TRPM2: variants seen among roughly 807,000 people sequenced by gnomAD.
The protein encoded by TRPM2 is estrogen-responsive element-associated gene 1 protein.
Under a neutral mutation model 174.0 loss-of-function variants are expected in TRPM2, and 161 were observed. The observed-to-expected ratio is 0.93, with a 90% CI of 0.81 to 1.05. The LOEUF is 1.05. TRPM2 is among the 50% of genes least tolerant of loss of function. The pLI is 0.00. For synonymous variants in TRPM2, 954 were observed against 861.3 expected, an observed-to-expected ratio of 1.11 and a Z score of -1.88; for missense variants, 2,057 against 2,038.0, an observed-to-expected ratio of 1.01 and a Z score of -0.18.
chr21:44,433,627 C>A (rs1179565339), intron 27 of TRPM2, among the ~76,000 whole-genome samples: 2 of 152,196 alleles, frequency 1.3e-5, no homozygotes, highest in African/African-American at 4.8e-5. Flanking sequence ...GGTCCCCAAG[C>A]CTTGCTGCAT....
At chr21:44,357,563 T>C (rs11700418) in intron 2 of TRPM2, among the ~76,000 whole-genome samples, 41,359 of 152,108 alleles carry the variant, frequency 0.27, 6,452 homozygotes, top group African/African-American at 0.44. Context: ...CTCCTTCCTC[T>C]AGCCGAGAAG....
At chr21:44,352,340 G>A (rs2123000712), upstream of TRPM2, among the ~76,000 whole-genome samples, 4 of 152,294 alleles carry the variant, frequency 2.6e-5, 1 homozygote, top group South Asian at 8.3e-4. Context: ...AGGAGGGAGA[G>A]GGGGAGGTGG....
chr21:44,420,861 C>G (rs917564782), intron 22 of TRPM2, among the ~76,000 whole-genome samples: 1 of 152,216 alleles, frequency 6.6e-6, no homozygotes, highest in Non-Finnish European at 1.5e-5. Context: ...AACCCTTTTG[C>G]AGAGGGAGGT....
Position 44,353,803 on chromosome 21 carries a change from C to A in TRPM2, c.103C>A (p.Arg35Ser). The stretch of plus-strand genomic sequence containing the variant: ...CCTGGGGATGGTCTCCAATCTCCGG[C>A]GCAGCAACAGCAGCCTCTTCAAGAG... ...TDLGMVSNLR[R>S]SNSSLFKSWR... The change falls in exon 1 of 32, where the codon CGC becomes AGC. Residue 35 changes from arginine (R) to serine (S), a missense_variant. Arg to Ser is a moderately radical substitution (Grantham distance 110, BLOSUM62 -1). Coordinates refer to ENST00000397928, the MANE Select transcript of TRPM2 (RefSeq NM_003307.4). The A allele has an allele frequency of 6.2e-7, 1 of 1,601,602 alleles. No homozygotes were observed.
chr21:44,438,430 C>T lies in TRPM2; in HGVS notation c.4168-637C>T, dbSNP rs149729246. 6.5e-3 allele frequency among the ~76,000 whole-genome samples: 996 copies of T among 152,242 alleles called. 6 individuals carry two copies. Among genetic ancestry groups the T allele is most frequent in the Middle Eastern group, 0.02 (6 of 294 alleles). ...GGTTCCTGGCTCTGTAGGGCACGCA[C>T]GCTTGAGGGTGGGAGTGTCATGGGG... On this transcript the variant is annotated intron_variant, in intron 29 of 31. Transcript: ENST00000397928. The surrounding 1 kb of genome is among the most constrained non-coding windows in gnomAD (Gnocchi z 5.9).
chr21:44,411,268 C>A (rs1178025694), intron 19 of TRPM2, among the ~76,000 whole-genome samples: 1 of 152,128 alleles, frequency 6.6e-6, no homozygotes, highest in Non-Finnish European at 1.5e-5. Flanking sequence ...TCTTTAATTT[C>A]TCTCAATAAT....
At chr21:44,426,882 C>G (rs1220714883) in intron 26 of TRPM2, 128 bp from the exon 27 acceptor site, 2 of 1,335,566 alleles carry the variant, frequency 1.5e-6, no homozygotes, top group African/African-American at 2.9e-5. Flanking sequence ...GGCCCAGCTC[C>G]TACTGTTGTG....
rs1349062501 is a variant in TRPM2 at position 44,390,914 on chromosome 21, C to G, written c.1329C>G (p.Ser443Arg). Reference protein sequence around the residue: ...ILQALLKASRSQDHFGHENWD... With the variant: ...ILQALLKASRRQDHFGHENWD... Reference sequence around the variant, plus strand: ...CCTGTTCATCTGCAGCCTCACGGAGCCAAGACCACTTTGGCCACGAGAACT... The same window carrying G: ...CCTGTTCATCTGCAGCCTCACGGAGGCAAGACCACTTTGGCCACGAGAACT... Residue 443 changes from serine to arginine, a missense_variant, in exon 10 of 32, where the codon AGC becomes AGG. Physicochemically the swap from Ser to Arg is moderately radical, Grantham distance 110. Coordinates refer to ENST00000397928, the MANE Select transcript of TRPM2 (RefSeq NM_003307.4). The G allele has an allele frequency of 1.2e-5, 20 of 1,613,966 alleles. No individual in the cohort carries two copies. The highest frequency in any genetic ancestry group is 1.7e-5 in the Non-Finnish European group (20 of 1,180,052).
In TRPM2 at chr21:44,442,036, G is replaced by T; in HGVS notation, c.*219G>T. 1 of 630,508 alleles carries T rather than the reference G, an allele frequency of 1.6e-6. No homozygotes were observed. Among genetic ancestry groups the T allele is most frequent in the East Asian group, 3.4e-5 (1 of 29,456 alleles). 39.1% of individuals were successfully genotyped at this position (630,508 alleles called of 1,614,324 possible). On this transcript the variant is annotated 3_prime_UTR_variant, in exon 32 of 32. Coordinates refer to ENST00000397928, the MANE Select transcript of TRPM2 (RefSeq NM_003307.4). ...ACCCGGGAGGAGAGCTCAAGACAGG[G>T]CACAGGCTACTCAGAGCTGAGGGGC...
Position 44,391,604 on chromosome 21 carries a change from C to G in TRPM2, c.1773C>G (p.Pro591=), listed in dbSNP as rs369053888. The change falls in exon 11 of 32, where the codon CCC becomes CCG. Residue 591 remains proline (P), a synonymous_variant. Transcript: ENST00000397928. The surrounding 1 kb of genome is among the most constrained non-coding windows in gnomAD (Gnocchi z 5.0). ...ACGACCGGCTGCGGCTCCTGCTGCC[C>G]GTTCCCCACGTCAAGCTCAACGTGC... ...RHNDRLRLLL[P]VPHVKLNVQG... 3.2e-6 allele frequency: 5 copies of G among 1,580,296 alleles called. No homozygotes were observed. The highest frequency in any genetic ancestry group is 2.2e-5 in the East Asian group (1 of 44,490).
intron 20 of TRPM2, chr21:44,414,816 G>C (rs1191948973): frequency 2.6e-5 from 4 of 152,148 alleles, no homozygotes; most frequent in Non-Finnish European, 5.9e-5. Flanking sequence ...TGGGACCCTG[G>C]GGTGGAAACT....
At chr21:44,369,046 C>T in intron 4 of TRPM2, 131 bp from the exon 5 acceptor site, 1 of 1,018,250 alleles carries the variant, frequency 9.8e-7, no homozygotes, top group Non-Finnish European at 1.4e-6. Context: ...GGTTTGAAAG[C>T]CCCTGAGTGA....
intron 9 of TRPM2, among the ~76,000 whole-genome samples, chr21:44,387,024 T>A (rs1026959779): frequency 1.3e-5 from 2 of 152,078 alleles, no homozygotes; most frequent in Admixed American, 1.3e-4. Context: ...ACCTTGTCTC[T>A]ATAAAAAATA....
At chr21:44,412,015 T>G (rs565186675) in intron 19 of TRPM2, among the ~76,000 whole-genome samples, 5 of 152,328 alleles carry the variant, frequency 3.3e-5, no homozygotes, top group African/African-American at 9.6e-5. Context: ...TTTTGATGAT[T>G]TTTGCACCTA....
chr21:44,419,561 A>C (rs113868719), intron 22 of TRPM2, among the ~76,000 whole-genome samples: 1 of 10,454 alleles, frequency 9.6e-5, no homozygotes, highest in Non-Finnish European at 2.4e-4. Context: ...TGCGATGGTG[A>C]TGGTGGTGGT....
chr21:44,401,668 G>A lies in TRPM2; in HGVS notation c.2322-13G>A. 1 of 1,611,130 alleles carries A rather than the reference G, an allele frequency of 6.2e-7. No homozygotes were observed. The highest frequency in any genetic ancestry group is 8.5e-7 in the Non-Finnish European group (1 of 1,179,818). On this transcript the variant is annotated splice_polypyrimidine_tract_variant and intron_variant, in intron 15 of 31. Coordinates refer to ENST00000397928, the MANE Select transcript of TRPM2 (RefSeq NM_003307.4). ...TGGTGGTCACTGTCTCCTCTCTGCT[G>A]TGACGGCCGCAGGGAGAAGAGGCTG...
chr21:44,401,721 G>T lies in TRPM2; in HGVS notation c.2362G>T (p.Ala788Ser), dbSNP rs1268895301. Residue 788 changes from alanine to serine, a missense_variant, in exon 16 of 32, where the codon GCC (alanine) becomes TCC (serine). By Grantham distance (99) the Ala-to-Ser change is moderately conservative (BLOSUM62 1). Transcript: ENST00000397928. ...GGATGTGGGCACCCCCGCGGCCCGCGCCCGTGCCTTCTTCACCGCACCCGT... is the reference window on the plus strand; with the variant it reads ...GGATGTGGGCACCCCCGCGGCCCGCTCCCGTGCCTTCTTCACCGCACCCGT... ...LQDVGTPAAR[A>S]RAFFTAPVVV... 22 of 1,613,206 alleles carry T rather than the reference G, an allele frequency of 1.4e-5. No homozygotes were observed. The East Asian group carries it at 4.5e-4, about 33-fold the overall frequency.
chr21:44,429,278 C>CTTTTTTTTTTTTTTTTTTTTTTTTTTT (rs35708355), intron 27 of TRPM2, among the ~76,000 whole-genome samples: 6 of 44,194 alleles, frequency 1.4e-4, no homozygotes, highest in Admixed American at 6.3e-4. Flanking sequence ...TTTTCTTTTT[C>CTTTTTTTTTTTTTTTTTTTTTTTTTTT]TTTTTTTTTT....
chr21:44,356,218 T>G (rs2048057910), intron 2 of TRPM2, among the ~76,000 whole-genome samples: 2 of 149,196 alleles, frequency 1.3e-5, no homozygotes, highest in South Asian at 2.1e-4. Flanking sequence ...CCTGAATATT[T>G]TTAGTCTGCG....
Sources: gnomAD v4.1 joint callset for allele counts (sites outside exome capture counted in the v4.1 genomes callset) on GRCh38, gnomAD v4.1.1 for gene constraint, Gnocchi (gnomAD v3.1) non-coding constraint, MANE v1.5 for transcripts, NCBI Gene and HGNC (gene_info 2026-07-23, HGNC 2026-07-21) for gene names.